Variants in C2orf76 observed in about 807,000 individuals in gnomAD.
C2orf76 encodes the protein UPF0538 protein C2orf76.
C2orf76 carries 23 observed loss-of-function variants against 16.9 expected under a neutral mutation model. The ratio of observed to expected loss-of-function variants is 1.36; its 90% CI spans 0.98 to 1.93. The LOEUF (loss-of-function observed/expected upper bound fraction) is 1.93, where lower values mean the gene tolerates loss of function less well. C2orf76 is among the 30% of genes most tolerant of loss of function. The probability of loss-of-function intolerance (pLI) is 0.00; values close to 1 mark genes in which losing one functional copy is unlikely to be tolerated. For missense variants in C2orf76, 152 were observed against 152.6 expected, an observed-to-expected ratio of 1.00 and a Z score of 0.02; for synonymous variants, 48 against 52.3, an observed-to-expected ratio of 0.92 and a Z score of 0.35.
At position 119,330,051 on chromosome 2, in the gene C2orf76, T is replaced by G. The variant is rs943099170; in HGVS notation, c.134-8847A>C. 2.6e-5 allele frequency among the ~76,000 whole-genome samples: 4 copies of G among 152,120 alleles called. 1 individual carries two copies. The highest frequency in any genetic ancestry group is 2.6e-4 in the Admixed American group (4 of 15,262). ...TTTGGTATGTCTGAAAACATCTTCA[T>G]GTTGGCTTCATTCCTTAACTGCTTT... On this transcript the variant is annotated intron_variant, in intron 2 of 5. Coordinates refer to ENST00000334816, the MANE Select transcript of C2orf76 (RefSeq NM_001322331.2).
chr2:119,350,082 C>G (rs1245124818), intron 1 of C2orf76, among the ~76,000 whole-genome samples: 3 of 131,818 alleles, frequency 2.3e-5, no homozygotes, highest in Admixed American at 1.5e-4. Context: ...CCCCGCCCCC[C>G]CACCGTCCCG....
chr2:119,360,665 C>G (rs548566490), intron 1 of C2orf76, among the ~76,000 whole-genome samples: 6 of 152,216 alleles, frequency 3.9e-5, no homozygotes, highest in Non-Finnish European at 8.8e-5. Context: ...TGCAATATCT[C>G]TGAGGTATGC....
At chr2:119,352,719 T>C (rs1054054044) in intron 1 of C2orf76, among the ~76,000 whole-genome samples, 1 of 152,220 alleles carries the variant, frequency 6.6e-6, no homozygotes, top group East Asian at 1.9e-4. Context: ...GTTTCTTTAC[T>C]CAAATAAATG....
intron 2 of C2orf76, among the ~76,000 whole-genome samples, chr2:119,328,025 C>A (rs987091625): frequency 7.9e-5 from 12 of 151,900 alleles, no homozygotes; most frequent in Non-Finnish European, 1.6e-4. Context: ...ATTCTGCCCC[C>A]CTCCTTTTTT....
At chr2:119,349,200 A>T (rs1573677021) in intron 1 of C2orf76, among the ~76,000 whole-genome samples, 1 of 152,192 alleles carries the variant, frequency 6.6e-6, no homozygotes, top group Admixed American at 6.5e-5. Flanking sequence ...ATGTTTTACC[A>T]ATCATGTGTT....
At chr2:119,337,042 C>CATTTATTT (rs754024409) in intron 2 of C2orf76, among the ~76,000 whole-genome samples, 3 of 142,020 alleles carry the variant, frequency 2.1e-5, no homozygotes, top group Non-Finnish European at 3.0e-5. Context: ...AGGAAAGTTT[C>CATTTATTT]ATTTATTTAT....
intron 5 of C2orf76, among the ~76,000 whole-genome samples, chr2:119,309,916 C>T (rs1267568811): frequency 6.6e-6 from 1 of 152,156 alleles, no homozygotes; most frequent in African/African-American, 2.4e-5. Context: ...TATTGAACTA[C>T]ACTTTCTTTT....
downstream of C2orf76, among the ~76,000 whole-genome samples, chr2:119,298,347 T>C (rs1428639835): frequency 1.3e-5 from 2 of 152,194 alleles, no homozygotes; most frequent in Non-Finnish European, 2.9e-5. Flanking sequence ...TGCTAAATAA[T>C]CTTCCTTTTC....
chr2:119,333,236 C>T (rs992297512), intron 2 of C2orf76, among the ~76,000 whole-genome samples: 2 of 152,210 alleles, frequency 1.3e-5, no homozygotes, highest in South Asian at 4.2e-4. Flanking sequence ...CTTCAAGGGA[C>T]GGGTTCTCTA....
chr2:119,330,220 G>GA (rs1679629621), intron 2 of C2orf76, among the ~76,000 whole-genome samples: 1 of 151,608 alleles, frequency 6.6e-6, no homozygotes, highest in South Asian at 2.1e-4. Context: ...CTAAAAATAC[G>GA]AAAAAAATTA....
At chr2:119,344,813 G>A (rs1680147036) in intron 1 of C2orf76, among the ~76,000 whole-genome samples, 2 of 152,112 alleles carry the variant, frequency 1.3e-5, no homozygotes, top group Admixed American at 1.3e-4. Context: ...TCGGATACTG[G>A]AGCAGAAATA....
chr2:119,313,282 A>G (rs1246725139), intron 4 of C2orf76, among the ~76,000 whole-genome samples: 1 of 152,124 alleles, frequency 6.6e-6, no homozygotes, highest in African/African-American at 2.4e-5. Context: ...AGATTAAAAG[A>G]AAAAATACTT....
chr2:119,357,529 G>C (rs571972159), intron 1 of C2orf76, among the ~76,000 whole-genome samples: 1 of 148,904 alleles, frequency 6.7e-6, no homozygotes, highest in South Asian at 2.1e-4. Flanking sequence ...TGACAATAAG[G>C]ACTCTCAGAA....
At chr2:119,289,546 C>T in the C2orf76 span, among the ~76,000 whole-genome samples, 1 of 151,842 alleles carries the variant, frequency 6.6e-6, no homozygotes. Flanking sequence ...ATTAGCTGGG[C>T]GTGGTGGCAC....
chr2:119,288,978 C>T, the C2orf76 span, among the ~76,000 whole-genome samples: 18 of 152,082 alleles, frequency 1.2e-4, no homozygotes, highest in Admixed American at 1.0e-3. Flanking sequence ...CAGGGAAAAC[C>T]GAAATAATCT....
chr2:119,330,985 AT>A (rs1347294751), intron 2 of C2orf76, among the ~76,000 whole-genome samples: 1 of 151,736 alleles, frequency 6.6e-6, no homozygotes, highest in Non-Finnish European at 1.5e-5. Flanking sequence ...TTGTTTACTA[AT>A]TTTATCACCT....
At chr2:119,330,501 A>G (rs1679643634) in intron 2 of C2orf76, among the ~76,000 whole-genome samples, 1 of 151,630 alleles carries the variant, frequency 6.6e-6, no homozygotes, top group South Asian at 2.1e-4. Flanking sequence ...TTTCTTTACC[A>G]CCAGTTAAGC....
intron 2 of C2orf76, among the ~76,000 whole-genome samples, chr2:119,329,386 TCTTA>T (rs1679604010): frequency 6.6e-6 from 1 of 152,086 alleles, no homozygotes; most frequent in South Asian, 2.1e-4. Flanking sequence ...ATCCTTCTAT[TCTTA>T]CTTGATTTTT....
intron 1 of C2orf76, chr2:119,366,290 A>G (rs13390349): frequency 0.016 from 6,217 of 388,278 alleles, 310 homozygotes; most frequent in African/African-American, 0.11. Flanking sequence ...ATATTTGCTG[A>G]GCACTTCGTC....
Sources: gnomAD v4.1 joint callset for allele counts (sites outside exome capture counted in the v4.1 genomes callset) on GRCh38, gnomAD v4.1.1 for gene constraint, MANE v1.5 for transcripts, NCBI Gene and HGNC (gene_info 2026-07-23, HGNC 2026-07-21) for gene names.